EYS: variants seen among roughly 807,000 people sequenced by gnomAD.
The protein encoded by EYS is EGF-like photoreceptor maintenance factor.
A neutral mutation model predicts 282.1 loss-of-function variants in EYS; 250 were observed. That is an observed-to-expected ratio of 0.89 (90% confidence interval 0.80 to 0.98). EYS has a LOEUF of 0.98. Among genes scored for constraint, EYS ranks in the 50% least tolerant of loss-of-function variants. The pLI, the probability that EYS is intolerant of heterozygous loss-of-function variation, is 0.00. For synonymous variants in EYS, 1,355 were observed against 1,282.9 expected (o/e 1.06, Z -1.20); for missense variants, 4,016 against 3,709.0 (o/e 1.08, Z -2.15).
chr6:64,488,905 T>C (rs1776653341), intron 26 of EYS, among the ~76,000 whole-genome samples: 2 of 151,080 alleles, frequency 1.3e-5, no homozygotes, highest in East Asian at 1.9e-4. Context: ...CGTAAAGTGA[T>C]TTGTATGGTG....
intron 28 of EYS, among the ~76,000 whole-genome samples, chr6:64,424,348 T>A (rs2150454501): frequency 6.6e-6 from 1 of 152,336 alleles, no homozygotes; most frequent in South Asian, 2.1e-4. Context: ...AAAACACTGA[T>A]ATTTTATTAT....
chr6:65,460,091 AC>A (rs1764776369), intron 5 of EYS, among the ~76,000 whole-genome samples: 1 of 147,562 alleles, frequency 6.8e-6, no homozygotes, highest in Non-Finnish European at 1.5e-5. Context: ...ACACACACAC[AC>A]ACACACATAC....
chr6:64,400,919 C>G (rs1773521151), intron 28 of EYS, among the ~76,000 whole-genome samples: 1 of 152,026 alleles, frequency 6.6e-6, no homozygotes, highest in South Asian at 2.1e-4. Flanking sequence ...ACTAACTACT[C>G]TCCACTAAAT....
intron 22 of EYS, among the ~76,000 whole-genome samples, chr6:64,676,946 G>A (rs1769709967): frequency 6.6e-6 from 1 of 152,146 alleles, no homozygotes; most frequent in African/African-American, 2.4e-5. Context: ...TGAATTTTGA[G>A]TGGGCACATA....
intron 29 of EYS, among the ~76,000 whole-genome samples, chr6:64,346,116 A>C (rs1201511799): frequency 6.6e-6 from 1 of 152,114 alleles, no homozygotes; most frequent in Non-Finnish European, 1.5e-5. Flanking sequence ...ACTGTAAACT[A>C]GTTCAACCAT....
chr6:65,675,164 G>A (rs1768534672), intron 1 of EYS, among the ~76,000 whole-genome samples: 1 of 151,710 alleles, frequency 6.6e-6, no homozygotes, highest in African/African-American at 2.4e-5. Context: ...AAAAGTCAAT[G>A]GGAAGAAAAG....
At chr6:64,941,806 C>T (rs940315013) in intron 15 of EYS, among the ~76,000 whole-genome samples, 6 of 152,150 alleles carry the variant, frequency 3.9e-5, no homozygotes, top group South Asian at 2.1e-4. Flanking sequence ...TTCTTCATGG[C>T]TGCATAGTAG....
At chr6:63,912,716 C>T (rs1413918836) in intron 35 of EYS, among the ~76,000 whole-genome samples, 1 of 152,084 alleles carries the variant, frequency 6.6e-6, no homozygotes, top group Non-Finnish European at 1.5e-5. Flanking sequence ...CCCCTGGGTG[C>T]TGTTCTGGTG....
chr6:63,946,368 AAT>A (rs1765397225), intron 35 of EYS, among the ~76,000 whole-genome samples: 1 of 152,248 alleles, frequency 6.6e-6, no homozygotes, highest in African/African-American at 2.4e-5. Context: ...ATTGAAGAAA[AAT>A]AGTTCTTTAT....
intron 2 of EYS, among the ~76,000 whole-genome samples, chr6:65,595,140 A>G (rs563237310): frequency 1.3e-5 from 2 of 151,990 alleles, no homozygotes; most frequent in African/African-American, 4.8e-5. Context: ...ATTCAGCCAT[A>G]AAAAAACGAT....
chr6:64,996,640 A>C (rs1232179879), intron 14 of EYS, among the ~76,000 whole-genome samples: 1 of 152,080 alleles, frequency 6.6e-6, no homozygotes, highest in Non-Finnish European at 1.5e-5. Flanking sequence ...CTCTGGAGTA[A>C]CTCTGTTTCT....
chr6:64,522,577 A>T (rs919881473), intron 26 of EYS, among the ~76,000 whole-genome samples: 3 of 151,688 alleles, frequency 2.0e-5, no homozygotes, highest in Non-Finnish European at 4.4e-5. Context: ...GATAATCCCA[A>T]GGCCTCCTGA....
intron 30 of EYS, among the ~76,000 whole-genome samples, chr6:64,278,732 C>CTCTCTT (rs1554225276): frequency 1.3e-5 from 2 of 152,020 alleles, no homozygotes; most frequent in African/African-American, 2.4e-5. Flanking sequence ...CTCTCTCTCT[C>CTCTCTT]TCTCTCTTTC....
At chr6:64,014,078 TTCTGA>T (rs1196919896) in intron 33 of EYS, among the ~76,000 whole-genome samples, 1 of 152,154 alleles carries the variant, frequency 6.6e-6, no homozygotes, top group Non-Finnish European at 1.5e-5. Context: ...AAACATTGAT[TTCTGA>T]TCCTTTCATC....
At chr6:65,649,137 CA>C (rs369237730) in intron 1 of EYS, among the ~76,000 whole-genome samples, 1,249 of 72,652 alleles carry the variant, frequency 0.017, 1 homozygote, top group African/African-American at 0.051. Context: ...GACTCTGTCT[CA>C]AAAAAAAAAA....
intron 8 of EYS, among the ~76,000 whole-genome samples, chr6:65,379,328 A>G (rs1765522476): frequency 6.6e-6 from 1 of 152,104 alleles, no homozygotes; most frequent in South Asian, 2.1e-4. Flanking sequence ...AAATCAATAA[A>G]CACAATCCAT....
At chr6:65,315,011 C>A (rs1240027947) in intron 11 of EYS, among the ~76,000 whole-genome samples, 3 of 152,072 alleles carry the variant, frequency 2.0e-5, no homozygotes, top group Non-Finnish European at 4.4e-5. Context: ...AGACCACCCA[C>A]TGAATACCCG....
chr6:65,702,772 T>C (rs1191784769), intron 1 of EYS, among the ~76,000 whole-genome samples: 1 of 151,858 alleles, frequency 6.6e-6, no homozygotes, highest in Non-Finnish European at 1.5e-5. Context: ...TACATATGTG[T>C]GTGTGTGGGT....
intron 41 of EYS, among the ~76,000 whole-genome samples, chr6:63,760,692 C>G (rs1382879829): frequency 7.0e-6 from 1 of 142,926 alleles, no homozygotes; most frequent in Non-Finnish European, 1.5e-5. Context: ...ATCTATCTAT[C>G]TATCTATCTA....
Sources: gnomAD v4.1 joint callset for allele counts (sites outside exome capture counted in the v4.1 genomes callset) on GRCh38, gnomAD v4.1.1 for gene constraint, MANE v1.5 for transcripts, NCBI Gene and HGNC (gene_info 2026-07-23, HGNC 2026-07-21) for gene names.